Variants in ANXA8 observed in about 807,000 individuals in gnomAD.
ANXA8 encodes VAC-beta.
Under a neutral mutation model 26.8 loss-of-function variants are expected in ANXA8, and 9 were observed. The ratio of observed to expected loss-of-function variants is 0.34; its 90% confidence interval spans 0.20 to 0.59. ANXA8 has a LOEUF of 0.59. ANXA8 is among the 20% of genes least tolerant of loss of function. ANXA8 has a pLI of 0.84. For missense variants in ANXA8, 83 were observed against 238.5 expected, an observed-to-expected ratio of 0.35 and a Z score of 4.29; for synonymous variants, 39 against 94.8, an observed-to-expected ratio of 0.41 and a Z score of 3.42.
At chr10:47,733,183 T>TTCTTTCTTTCTCTCTCTCTC in the ANXA8 span, among the ~76,000 whole-genome samples, 1 of 86,960 alleles carries the variant, frequency 1.1e-5, no homozygotes, top group African/African-American at 3.2e-5. Context: ...CTTTCTTTCT[T>TTCTTTCTTTCTCTCTCTCTC]TCTTTCTTTC....
At chr10:47,941,093 C>T in the ANXA8 span, among the ~76,000 whole-genome samples, 1 of 145,438 alleles carries the variant, frequency 6.9e-6, no homozygotes, top group Non-Finnish European at 1.5e-5. Flanking sequence ...ACCCAGGGAT[C>T]TATAACATTT....
At chr10:47,502,977 G>A in the ANXA8 span, 4 of 1,561,930 alleles carry the variant, frequency 2.6e-6, no homozygotes, top group Non-Finnish European at 3.5e-6. Flanking sequence ...TGGGGCTGGT[G>A]GTGCTGGAGA....
chr10:47,544,049 A>G, the ANXA8 span, among the ~76,000 whole-genome samples: 1 of 151,238 alleles, frequency 6.6e-6, no homozygotes, highest in Admixed American at 6.6e-5. Context: ...AGCACAAAGA[A>G]GAGCACAAAG....
the ANXA8 span, among the ~76,000 whole-genome samples, chr10:47,722,818 C>T: frequency 1.4e-4 from 20 of 142,090 alleles, 2 homozygotes; most frequent in Middle Eastern, 3.5e-3. Context: ...TGCAGAGAAG[C>T]GGTAAGAGGC....
chr10:47,693,512 G>T, the ANXA8 span, among the ~76,000 whole-genome samples: 1 of 151,354 alleles, frequency 6.6e-6, no homozygotes, highest in Non-Finnish European at 1.5e-5. Context: ...GGATGGTCTC[G>T]ATATCCTCAC....
the ANXA8 span, among the ~76,000 whole-genome samples, chr10:47,967,947 C>T: frequency 4.9e-5 from 5 of 101,692 alleles, no homozygotes; most frequent in East Asian, 8.6e-4. Flanking sequence ...CAGACTATTA[C>T]ATTTAGCAAT....
chr10:47,733,143 ATCTTTCTTTCTTTCTTTCT>A, the ANXA8 span, among the ~76,000 whole-genome samples: 3 of 98,140 alleles, frequency 3.1e-5, no homozygotes, highest in East Asian at 3.3e-4. Flanking sequence ...CAACTCCCTA[ATCTTTCTTTCTTTCTTTCT>A]TTCTTTCTTT....
chr10:47,894,633 TAC>T, the ANXA8 span, among the ~76,000 whole-genome samples: 4 of 120,188 alleles, frequency 3.3e-5, no homozygotes, highest in East Asian at 9.5e-4. Flanking sequence ...CACCACACAC[TAC>T]ACACACCACA....
At chr10:47,733,239 CTTTCTTTCTTTCTTTCTT>C in the ANXA8 span, among the ~76,000 whole-genome samples, 24 of 60,076 alleles carry the variant, frequency 4.0e-4, no homozygotes, top group South Asian at 5.5e-4. Context: ...TTCTCTCTTT[CTTTCTTTCTTTCTTTCTT>C]TCTTTCTTTC....
the ANXA8 span, chr10:47,986,616 T>C: frequency 8.3e-6 from 3 of 360,700 alleles, no homozygotes; most frequent in East Asian, 7.3e-5. Context: ...TGAAACCTGA[T>C]TGGAGAAACA....
rs1839543458 is a variant in ANXA8 at position 47,476,471 on chromosome 10, G to A, written c.322-149C>T. ...GGAGGATGTGATGAGAAAATCACAT[G>A]CTTCAGTGATGAACATTGAGGGCAA... On this transcript the variant is annotated intron_variant, in intron 4 of 11. Transcript: ENST00000585281. The A allele has an allele frequency of 1.5e-5, 19 of 1,275,428 alleles. 5 individuals are homozygous for A. The East Asian group carries it at 6.4e-4, about 43-fold the overall frequency. The allele number at this position is 1,275,428 out of a possible 1,614,324, so 79.0% of individuals were successfully genotyped here.
At chr10:47,658,213 T>TA in the ANXA8 span, among the ~76,000 whole-genome samples, 1 of 151,656 alleles carries the variant, frequency 6.6e-6, no homozygotes, top group Non-Finnish European at 1.5e-5. Flanking sequence ...ACTAAAAATA[T>TA]AAAAATCAGC....
At chr10:47,772,648 A>T in the ANXA8 span, among the ~76,000 whole-genome samples, 15 of 151,986 alleles carry the variant, frequency 9.9e-5, no homozygotes, top group African/African-American at 3.6e-4. Context: ...TCACACAACT[A>T]GAAATCGGTC....
At chr10:47,944,717 T>C in the ANXA8 span, among the ~76,000 whole-genome samples, 2 of 150,586 alleles carry the variant, frequency 1.3e-5, no homozygotes. Flanking sequence ...TTGCTCCTCA[T>C]TCACCTTCCA....
At chr10:47,699,779 C>T in the ANXA8 span, among the ~76,000 whole-genome samples, 1 of 151,732 alleles carries the variant, frequency 6.6e-6, no homozygotes, top group Non-Finnish European at 1.5e-5. Flanking sequence ...TTGCAGTGAG[C>T]TGTGATTGCA....
At chr10:47,590,552 T>A in the ANXA8 span, among the ~76,000 whole-genome samples, 1 of 146,512 alleles carries the variant, frequency 6.8e-6, no homozygotes, top group Non-Finnish European at 1.5e-5. Context: ...TCAGGTTCCC[T>A]GCATTGCAGC....
chr10:47,699,364 AAAAG>A, the ANXA8 span, among the ~76,000 whole-genome samples: 3 of 148,178 alleles, frequency 2.0e-5, no homozygotes, highest in South Asian at 2.1e-4. Context: ...AAAAAAAAAA[AAAAG>A]AAAGAAGAGG....
At chr10:47,486,476 C>T (rs1186594211), upstream of ANXA8, among the ~76,000 whole-genome samples, 1 of 138,982 alleles carries the variant, frequency 7.2e-6, no homozygotes, top group Non-Finnish European at 1.6e-5. Context: ...CATGAAAGAT[C>T]TTACTTAGCA....
the ANXA8 span, among the ~76,000 whole-genome samples, chr10:47,949,693 T>C: frequency 6.7e-6 from 1 of 150,010 alleles, no homozygotes; most frequent in Non-Finnish European, 1.5e-5. Flanking sequence ...TAATAGTATA[T>C]TTGTAATGAG....
Sources: allele counts gnomAD v4.1 joint callset (sites outside exome capture counted in the v4.1 genomes callset), GRCh38; gene constraint gnomAD v4.1.1; transcripts MANE v1.5; gene names NCBI Gene and HGNC (gene_info 2026-07-23, HGNC 2026-07-21).